The following KDM7A variants were observed in gnomAD, a reference collection of about 807,000 sequenced individuals.
The protein encoded by KDM7A is lysine-specific demethylase 7A.
KDM7A carries 28 observed loss-of-function variants against 114.8 expected under a neutral mutation model. That is an observed-to-expected ratio of 0.24 (90% CI 0.18 to 0.33). KDM7A has a LOEUF of 0.33. KDM7A is among the 10% of genes least tolerant of loss of function. The pLI is 1.00. For synonymous variants in KDM7A, 423 were observed against 397.8 expected, an observed-to-expected ratio of 1.06 and a Z score of -0.75; for missense variants, 942 against 1,142.5, an observed-to-expected ratio of 0.82 and a Z score of 2.53.
chr7:140,161,056 T>C (rs932493340), intron 1 of KDM7A, among the ~76,000 whole-genome samples: 27 of 152,096 alleles, frequency 1.8e-4, no homozygotes, highest in Non-Finnish European at 3.5e-4. Context: ...ATAGGAAGAA[T>C]GTAAGAGAGG....
intron 2 of KDM7A, among the ~76,000 whole-genome samples, chr7:140,137,945 A>C (rs958805295): frequency 7.0e-6 from 1 of 143,782 alleles, no homozygotes; most frequent in African/African-American, 2.5e-5. Flanking sequence ...ACATTCAGGC[A>C]AAGGTTTTAA....
chr7:140,171,583 T>TA (rs1794642076), intron 1 of KDM7A, among the ~76,000 whole-genome samples: 1 of 140,242 alleles, frequency 7.1e-6, no homozygotes, highest in African/African-American at 2.7e-5. Flanking sequence ...ATATATATAT[T>TA]TTTATATAGT....
chr7:140,092,141 T>C lies in KDM7A; in HGVS notation c.2458-64A>G. The stretch of plus-strand genomic sequence containing the variant: ...GTTTAAATGAGGTATTTAAGCTCTC[T>C]ATGCATTGGCAAAGTCAAGTGAGAG... On this transcript the variant is annotated intron_variant, in intron 18 of 19. Coordinates refer to ENST00000397560, the MANE Select transcript of KDM7A (RefSeq NM_030647.2). 4 of 1,475,436 alleles carry C rather than the reference T, an allele frequency of 2.7e-6. 1 individual carries two copies. The South Asian group carries it at 4.7e-5, about 17-fold the overall frequency. 91.4% of individuals were successfully genotyped at this position (1,475,436 alleles called of 1,614,324 possible). A position where few individuals can be genotyped will look rare whatever the true frequency, so the allele number is the denominator to read the frequency against.
At chr7:140,135,380 T>G (rs1344251790) in intron 2 of KDM7A, among the ~76,000 whole-genome samples, 1 of 152,024 alleles carries the variant, frequency 6.6e-6, no homozygotes, top group East Asian at 1.9e-4. Context: ...TTTTTTGTAT[T>G]TTAGTAGAGA....
chr7:140,094,461 T>C (rs536308033), intron 17 of KDM7A, among the ~76,000 whole-genome samples: 3 of 151,934 alleles, frequency 2.0e-5, no homozygotes, highest in African/African-American at 7.2e-5. Context: ...GTTGAGATCA[T>C]GCCACTGCAT....
chr7:140,092,033 T>C lies in KDM7A; in HGVS notation c.2502A>G (p.Ser834=). 6.2e-7 allele frequency: 1 copy of C among 1,614,180 alleles called. No homozygotes were observed. ...TACTTTGTACCCTCTGACTAATTTC[T>C]GATGAACCTTCCTTTCTGATGCATT... ...SQKCIRKEGS[S]EISQRVQSRN... The change falls in exon 19 of 20, where the codon TCA becomes TCG. Residue 834 remains serine (S), a synonymous_variant. Transcript: ENST00000397560.
At chr7:140,114,873 A>G (rs1341164629) in intron 9 of KDM7A, among the ~76,000 whole-genome samples, 3 of 77,800 alleles carry the variant, frequency 3.9e-5, no homozygotes, top group Non-Finnish European at 8.1e-5. Flanking sequence ...CCGTCTGAGA[A>G]GTGAGGAGCC....
At chr7:140,142,013 A>G (rs1032084785) in intron 1 of KDM7A, among the ~76,000 whole-genome samples, 4 of 147,842 alleles carry the variant, frequency 2.7e-5, no homozygotes, top group Non-Finnish European at 4.5e-5. Flanking sequence ...ATATTTATAT[A>G]TAATATATAT....
At chr7:140,123,125 G>A (rs1818641633) in intron 7 of KDM7A, among the ~76,000 whole-genome samples, 1 of 152,118 alleles carries the variant, frequency 6.6e-6, no homozygotes, top group Admixed American at 6.6e-5. Context: ...TACTCATTAA[G>A]GAAATGCAAA....
chr7:140,173,366 C>T (rs1426929432), intron 1 of KDM7A, among the ~76,000 whole-genome samples: 1 of 152,156 alleles, frequency 6.6e-6, no homozygotes, highest in Non-Finnish European at 1.5e-5. Flanking sequence ...AGTTTGACAG[C>T]ATCAGACCTG....
At chr7:140,092,306 T>A (rs567306845) in intron 18 of KDM7A, among the ~76,000 whole-genome samples, 1 of 151,930 alleles carries the variant, frequency 6.6e-6, no homozygotes, top group South Asian at 2.1e-4. Context: ...AAAGAGAGAG[T>A]GAGAGAAAAC....
chr7:140,088,074 GATT>G lies in KDM7A; in HGVS notation c.*3017_*3019del, dbSNP rs1425307385. 1.3e-5 allele frequency: 2 copies of G among 153,746 alleles called. No individual in the cohort carries two copies. 9.5% of individuals were successfully genotyped at this position (153,746 alleles called of 1,614,324 possible). On this transcript the variant is annotated 3_prime_UTR_variant, in exon 20 of 20. Coordinates refer to ENST00000397560, the MANE Select transcript of KDM7A (RefSeq NM_030647.2). The stretch of plus-strand genomic sequence containing the variant: ...CTATAATTGAAAAGGCAATAATTAG[GATT>G]ATTTAAAAATAGAAAAGTATTCAAG...
intron 1 of KDM7A, among the ~76,000 whole-genome samples, chr7:140,160,135 T>C (rs1433008307): frequency 6.6e-6 from 1 of 152,164 alleles, no homozygotes; most frequent in Non-Finnish European, 1.5e-5. Context: ...ACACCTCTGT[T>C]TAAGGCAAGT....
At chr7:140,140,931 A>C (rs1290459945) in intron 1 of KDM7A, among the ~76,000 whole-genome samples, 3 of 152,140 alleles carry the variant, frequency 2.0e-5, no homozygotes, top group African/African-American at 7.2e-5. Context: ...AAAATGCAAA[A>C]GAATCTATAG....
intron 1 of KDM7A, among the ~76,000 whole-genome samples, chr7:140,172,605 AT>A (rs1429226680): frequency 6.6e-6 from 1 of 152,186 alleles, no homozygotes; most frequent in East Asian, 1.9e-4. Context: ...GGGAGCTGAG[AT>A]TGCGCCACTG....
intron 2 of KDM7A, among the ~76,000 whole-genome samples, chr7:140,135,814 A>C (rs1167602840): frequency 6.6e-6 from 1 of 152,130 alleles, no homozygotes; most frequent in Non-Finnish European, 1.5e-5. Context: ...GTCTCCAAAA[A>C]AGTGGTACTA....
chr7:140,155,340 G>A (rs145160357), intron 1 of KDM7A, among the ~76,000 whole-genome samples: 1 of 152,194 alleles, frequency 6.6e-6, no homozygotes, highest in African/African-American at 2.4e-5. Context: ...GGAAGCCAGG[G>A]CTACCTTTAC....
chr7:140,093,611 T>A (rs1818058650), intron 18 of KDM7A, among the ~76,000 whole-genome samples: 1 of 152,224 alleles, frequency 6.6e-6, no homozygotes, highest in Non-Finnish European at 1.5e-5. Context: ...TGGGTTCATT[T>A]GATAATGTAA....
At position 140,176,464 on chromosome 7, in the gene KDM7A, C is replaced by A. The variant is rs902685491; in HGVS notation, c.194+280G>T. 6.8e-6 allele frequency among the ~76,000 whole-genome samples: 1 copy of A among 146,414 alleles called. No homozygotes were observed. ...CCCGGCCGCGTCCCCTCGCCCCAGG[C>A]TCCCCCTGCCAACTTATCCGCCGGC... On this transcript the variant is annotated intron_variant, in intron 1 of 19. Coordinates refer to ENST00000397560, the MANE Select transcript of KDM7A (RefSeq NM_030647.2). The surrounding 1 kb of genome is among the most constrained non-coding windows in gnomAD (Gnocchi z 4.4).
Sources: gnomAD v4.1 joint callset for allele counts (sites outside exome capture counted in the v4.1 genomes callset) on GRCh38, gnomAD v4.1.1 for gene constraint, Gnocchi (gnomAD v3.1) non-coding constraint, MANE v1.5 for transcripts, NCBI Gene and HGNC (gene_info 2026-07-23, HGNC 2026-07-21) for gene names.